EYS: variants seen among roughly 807,000 people sequenced by gnomAD.
EYS encodes the protein EGF-like photoreceptor maintenance factor.
EYS carries 250 observed loss-of-function variants against 282.1 expected under a neutral mutation model. That is an observed-to-expected ratio of 0.89 (90% confidence interval 0.80 to 0.98). The LOEUF is 0.98. Among genes scored for constraint, EYS ranks in the 50% least tolerant of loss-of-function variants. EYS has a pLI of 0.00. For synonymous variants in EYS, 1,355 were observed against 1,282.9 expected (o/e 1.06, Z -1.20); for missense variants, 4,016 against 3,709.0 (o/e 1.08, Z -2.15).
At chr6:64,543,038 C>T (rs1015394153) in intron 26 of EYS, among the ~76,000 whole-genome samples, 9 of 152,114 alleles carry the variant, frequency 5.9e-5, no homozygotes, top group African/African-American at 2.2e-4. Context: ...ATAATTGAGT[C>T]ATATAATTTC....
At chr6:64,972,914 A>T (rs1770345782) in intron 14 of EYS, among the ~76,000 whole-genome samples, 1 of 152,058 alleles carries the variant, frequency 6.6e-6, no homozygotes, top group Admixed American at 6.6e-5. Context: ...CTACTTTCCC[A>T]ATTCACCTCT....
intron 36 of EYS, among the ~76,000 whole-genome samples, chr6:63,843,777 G>A (rs187869394): frequency 2.1e-4 from 32 of 152,252 alleles, no homozygotes; most frequent in East Asian, 7.7e-4. Context: ...GAAATAAAGC[G>A]TATTCAAATA....
intron 19 of EYS, among the ~76,000 whole-genome samples, chr6:64,880,584 T>G (rs1682974914): frequency 6.6e-6 from 1 of 151,488 alleles, no homozygotes; most frequent in Admixed American, 6.6e-5. Flanking sequence ...CCTAATCAAC[T>G]TTTTCCGTAG....
intron 28 of EYS, among the ~76,000 whole-genome samples, chr6:64,399,457 T>C (rs1378515392): frequency 2.0e-5 from 3 of 151,878 alleles, no homozygotes; most frequent in African/African-American, 4.8e-5. Context: ...AGTTTATTTT[T>C]TGAAATTATA....
intron 2 of EYS, among the ~76,000 whole-genome samples, chr6:65,590,577 T>C (rs969689875): frequency 6.6e-6 from 1 of 152,062 alleles, no homozygotes; most frequent in African/African-American, 2.4e-5. Flanking sequence ...CTAAACATTA[T>C]TCTTGCTATC....
chr6:65,141,649 G>GTCTGTCTGTCTATCTA lies in EYS; in HGVS notation c.2024-83923_2024-83922insTAGATAGACAGACAGA, dbSNP rs1216509536. Among the ~76,000 whole-genome samples, 791 of 131,292 alleles carry GTCTGTCTGTCTATCTA rather than the reference G, an allele frequency of 6.0e-3. 4 individuals carry two copies. The highest frequency in any genetic ancestry group is 0.014 in the African/African-American group (443 of 30,896). The allele number at this position is 131,292 out of a possible 152,430, so 86.1% of individuals were successfully genotyped here. On this transcript the variant is annotated intron_variant, in intron 12 of 42. Coordinates refer to ENST00000503581, the MANE Select transcript of EYS (RefSeq NM_001142800.2). ...AGTCAGTCTGTCTGTCTGTCTGTCT[G>GTCTGTCTGTCTATCTA]TCTATCTATCTATCTATCTATCTAT...
At chr6:64,157,232 C>T (rs990570237) in intron 31 of EYS, among the ~76,000 whole-genome samples, 15 of 151,936 alleles carry the variant, frequency 9.9e-5, no homozygotes, top group Admixed American at 3.9e-4. Flanking sequence ...CTCATCATTT[C>T]TTATGGCTGC....
In EYS at chr6:65,171,544, T is replaced by C. The variant is rs1198433359; in HGVS notation, c.2024-113817A>G. Among the ~76,000 whole-genome samples, 2 of 151,518 alleles carry C rather than the reference T, an allele frequency of 1.3e-5. 1 individual carries two copies. Among genetic ancestry groups the C allele is most frequent in the African/African-American group, 4.8e-5 (2 of 41,352 alleles). ...TGCCAGATGCATATTTGTGTATATG[T>C]GGTAAAACCCAACACTGAAGTATAT... On this transcript the variant is annotated intron_variant, in intron 12 of 42. Transcript: ENST00000503581.
At chr6:64,611,122 T>G (rs1005088325) in intron 24 of EYS, among the ~76,000 whole-genome samples, 6 of 152,242 alleles carry the variant, frequency 3.9e-5, no homozygotes. Context: ...TACCAGAGCC[T>G]AATTGATCTG....
chr6:65,222,082 T>C (rs186333457), intron 12 of EYS, among the ~76,000 whole-genome samples: 5 of 152,272 alleles, frequency 3.3e-5, no homozygotes, highest in African/African-American at 1.2e-4. Flanking sequence ...TTCAGCATTA[T>C]AGGTGGAAGG....
At chr6:65,143,908 T>C (rs148492628) in intron 12 of EYS, among the ~76,000 whole-genome samples, 8 of 152,230 alleles carry the variant, frequency 5.3e-5, no homozygotes, top group South Asian at 2.1e-4. Context: ...AACAATTAAG[T>C]AGAAAATTCT....
chr6:65,514,874 G>A (rs1207000803), intron 2 of EYS, among the ~76,000 whole-genome samples: 3 of 152,044 alleles, frequency 2.0e-5, no homozygotes, highest in Non-Finnish European at 4.4e-5. Flanking sequence ...TAGGACATAG[G>A]CATGGGCAAG....
At chr6:64,346,114 C>G (rs927360858) in intron 29 of EYS, among the ~76,000 whole-genome samples, 1 of 151,994 alleles carries the variant, frequency 6.6e-6, no homozygotes, top group African/African-American at 2.4e-5. Flanking sequence ...GGACTGTAAA[C>G]TAGTTCAACC....
chr6:64,089,089 C>G (rs1344017918), intron 31 of EYS, among the ~76,000 whole-genome samples: 3 of 151,774 alleles, frequency 2.0e-5, no homozygotes, highest in Admixed American at 2.0e-4. Context: ...TTTTCACCTT[C>G]CCCAGAAAGG....
At chr6:64,335,309 G>GCGGT (rs1305183639) in intron 29 of EYS, among the ~76,000 whole-genome samples, 8 of 124,656 alleles carry the variant, frequency 6.4e-5, no homozygotes, top group Admixed American at 1.2e-4. Flanking sequence ...TCTTCTCTCT[G>GCGGT]CGGTCAGTAG....
chr6:65,340,316 GC>G (rs1180208172), intron 10 of EYS, among the ~76,000 whole-genome samples: 2 of 150,942 alleles, frequency 1.3e-5, no homozygotes, highest in Non-Finnish European at 3.0e-5. Context: ...CATTCCAGAA[GC>G]ATTTGCATTT....
At chr6:63,823,356 G>A (rs1771373662) in intron 36 of EYS, among the ~76,000 whole-genome samples, 2 of 152,124 alleles carry the variant, frequency 1.3e-5, no homozygotes, top group Admixed American at 1.3e-4. Flanking sequence ...ACTTACAAAT[G>A]TGCATTATTG....
intron 2 of EYS, among the ~76,000 whole-genome samples, chr6:65,589,207 G>A (rs1051070391): frequency 6.6e-6 from 1 of 151,960 alleles, no homozygotes; most frequent in South Asian, 2.1e-4. Context: ...ATCCTAAGCA[G>A]AGCATTGTGT....
Position 65,495,340 on chromosome 6 carries a change from C to T in EYS, c.71G>A (p.Cys24Tyr), listed in dbSNP as rs1766217404. Residue 24 changes from cysteine to tyrosine, a missense_variant, in exon 4 of 43, where the codon TGT (cysteine) becomes TAT (tyrosine). By Grantham distance (194) the Cys-to-Tyr change is radical (BLOSUM62 -2). Coordinates refer to ENST00000503581, the MANE Select transcript of EYS (RefSeq NM_001142800.2). ...FHSSFINGKT[C>Y]RRQLVEEWHP... The stretch of plus-strand genomic sequence containing the variant: ...CCATTCTTCCACCAATTGCCGTCTA[C>T]ATGTTTTTCCATTTATGAAAGAGCT... 6.2e-7 allele frequency: 1 copy of T among 1,613,666 alleles called. No homozygotes were observed. The highest frequency in any genetic ancestry group is 8.5e-7 in the Non-Finnish European group (1 of 1,180,002).
Sources: gnomAD v4.1 joint callset for allele counts (sites outside exome capture counted in the v4.1 genomes callset) on GRCh38, gnomAD v4.1.1 for gene constraint, MANE v1.5 for transcripts, NCBI Gene and HGNC (gene_info 2026-07-23, HGNC 2026-07-21) for gene names.